The following KDM6A variants were observed in gnomAD, a reference collection of about 807,000 sequenced individuals.
The protein encoded by KDM6A is lysine-specific demethylase 6A.
In KDM6A, 11 loss-of-function variants were observed where a neutral mutation model predicts 117.6. The ratio of observed to expected loss-of-function variants is 0.09; its 90% confidence interval spans 0.06 to 0.15. The LOEUF is 0.15. Ranked by LOEUF, KDM6A falls within the 10% of genes least tolerant of loss-of-function variation. KDM6A has a pLI of 1.00. For missense variants in KDM6A, 799 were observed against 1,077.3 expected, an observed-to-expected ratio of 0.74 and a Z score of 3.62; for synonymous variants, 384 against 396.1, an observed-to-expected ratio of 0.97 and a Z score of 0.36.
At chrX:45,055,279 A>G (rs2044025135) in intron 10 of KDM6A, among the ~76,000 whole-genome samples, 2 of 110,948 alleles carry the variant, frequency 1.8e-5, no homozygotes, top group Admixed American at 1.9e-4. Flanking sequence ...AATTAATGTA[A>G]TTTTAATTAA....
At chrX:45,093,531 TAGAG>T (rs2045981054) in intron 27 of KDM6A, among the ~76,000 whole-genome samples, 1 of 110,075 alleles carries the variant, frequency 9.1e-6, no homozygotes, top group African/African-American at 3.3e-5. Context: ...CCTGTAAAAA[TAGAG>T]AGAGGGGGTC....
chrX:44,928,366 A>G (rs914757888), intron 2 of KDM6A, among the ~76,000 whole-genome samples: 1 of 112,096 alleles, frequency 8.9e-6, no homozygotes, highest in African/African-American at 3.2e-5. Context: ...AGTGTATTAC[A>G]GTTCCTTGTA....
intron 4 of KDM6A, among the ~76,000 whole-genome samples, chrX:44,997,593 T>C (rs1189406376): frequency 9.0e-6 from 1 of 111,592 alleles, no homozygotes; most frequent in African/African-American, 3.3e-5. Context: ...TGTCTTCACT[T>C]AGGTCTGAGG....
rs766988198 is a variant in KDM6A, at chrX:45,011,030, A to G, written c.443+11A>G. The G allele has an allele frequency of 8.6e-7, 1 of 1,157,170 alleles. No homozygotes were observed. The highest frequency in any genetic ancestry group is 2.2e-5 in the Admixed American group (1 of 45,837). On this transcript the variant is annotated intron_variant, in intron 5 of 29. Coordinates refer to ENST00000611820, the MANE Select transcript of KDM6A (RefSeq NM_001291415.2). ...TAATGCATTTCAGTGGTAAGTTGAC[A>G]TAAAACCAGTAATTCAGTCATTTTC...
chrX:44,880,808 A>AT (rs1045089108), intron 2 of KDM6A, among the ~76,000 whole-genome samples: 4 of 23,502 alleles, frequency 1.7e-4, no homozygotes, highest in African/African-American at 1.1e-3. Flanking sequence ...ACAAACAAAA[A>AT]AAAGTACTCT....
Position 44,941,488 on chromosome X carries a change from T to G in KDM6A, c.226-19796T>G, listed in dbSNP as rs1303591506. Among the ~76,000 whole-genome samples the G allele has an allele frequency of 2.8e-5, 3 of 108,445 alleles. No homozygotes were observed. In the East Asian group the frequency reaches 8.6e-4, roughly 31 times the overall value. The allele number at this position is 108,445 out of a possible 115,157, so 94.2% of individuals were successfully genotyped here. A position where few individuals can be genotyped will look rare whatever the true frequency, so the allele number is the denominator to read the frequency against. On this transcript the variant is annotated intron_variant, in intron 2 of 29. Transcript: ENST00000611820. The stretch of plus-strand genomic sequence containing the variant: ...TATATGAATTCTGTACCAGTTTTTT[T>G]TTTTTTTTTTAAAATAGAGTCTCGC...
At chrX:45,070,493 C>A in intron 18 of KDM6A, 136 bp downstream of exon 18, 1 of 579,041 alleles carries the variant, frequency 1.7e-6, no homozygotes, top group African/African-American at 2.2e-5. Flanking sequence ...TTGACAGAAG[C>A]TTTATTTTGC....
intron 19 of KDM6A, among the ~76,000 whole-genome samples, chrX:45,077,984 G>T (rs146090707): frequency 9.0e-6 from 1 of 111,345 alleles, no homozygotes; most frequent in Non-Finnish European, 1.9e-5. Context: ...CTATAAATTT[G>T]ACTATTCTAG....
At chrX:45,074,338 G>A (rs1602896035) in intron 18 of KDM6A, among the ~76,000 whole-genome samples, 3 of 111,656 alleles carry the variant, frequency 2.7e-5, no homozygotes, top group Admixed American at 1.9e-4. Context: ...TTATTATTTG[G>A]CTTGAGGTGT....
At chrX:45,074,093 G>A (rs2044996208) in intron 18 of KDM6A, among the ~76,000 whole-genome samples, 1 of 111,846 alleles carries the variant, frequency 8.9e-6, no homozygotes, top group Admixed American at 9.5e-5. Flanking sequence ...TTCTACATAT[G>A]ACCAGCCAGT....
chrX:45,034,320 G>C (rs2042723848), intron 6 of KDM6A, among the ~76,000 whole-genome samples: 1 of 111,903 alleles, frequency 8.9e-6, no homozygotes, highest in African/African-American at 3.2e-5. Context: ...GTGGTTTATT[G>C]TTGACTGGAA....
At chrX:44,965,946 G>A (rs2038987017) in intron 3 of KDM6A, among the ~76,000 whole-genome samples, 1 of 111,113 alleles carries the variant, frequency 9.0e-6, no homozygotes, top group African/African-American at 3.3e-5. Flanking sequence ...CTTTTTTATT[G>A]CTGCACCTTT....
chrX:44,909,163 G>A (rs968584193), intron 2 of KDM6A, among the ~76,000 whole-genome samples: 1 of 111,711 alleles, frequency 9.0e-6, no homozygotes, highest in Non-Finnish European at 1.9e-5. Context: ...GATTAATTTT[G>A]TTTATTTTAG....
intron 8 of KDM6A, among the ~76,000 whole-genome samples, chrX:45,040,611 G>A (rs2043084911): frequency 1.2e-5 from 1 of 86,380 alleles, no homozygotes; most frequent in South Asian, 6.5e-4. Flanking sequence ...GGGGCGGCTG[G>A]CCAGGCGGGG....
chrX:45,076,989 G>C (rs896693598), intron 19 of KDM6A, among the ~76,000 whole-genome samples, 163 bp downstream of exon 19: 2 of 110,634 alleles, frequency 1.8e-5, no homozygotes, highest in Non-Finnish European at 3.8e-5. Context: ...AGAAGATTTT[G>C]TAATAGCATT....
chrX:44,997,047 C>T (rs1170082384), intron 4 of KDM6A, among the ~76,000 whole-genome samples: 6 of 111,415 alleles, frequency 5.4e-5, no homozygotes, highest in Non-Finnish European at 7.6e-5. Flanking sequence ...TCCCACCCCA[C>T]GGCAATGTCT....
intron 2 of KDM6A, among the ~76,000 whole-genome samples, chrX:44,961,021 C>T (rs913996662): frequency 2.7e-5 from 3 of 111,542 alleles, no homozygotes; most frequent in Admixed American, 1.9e-4. Flanking sequence ...TCAAAGTGCT[C>T]CTATATTATC....
At position 44,957,479 on chromosome X, in the gene KDM6A, C is replaced by T. The variant is rs765422905; in HGVS notation, c.226-3805C>T. On this transcript the variant is annotated intron_variant, in intron 2 of 29. Transcript: ENST00000611820. ...CTTCACCTGTCAGAGTTTAGAAATA[C>T]GGGGTAATGGTAACGTTACTTTTCT... Among the ~76,000 whole-genome samples the T allele has an allele frequency of 8.0e-5, 9 of 111,879 alleles. No homozygotes were observed. The East Asian group carries it at 1.4e-3, about 17-fold the overall frequency.
intron 17 of KDM6A, 105 bp from the exon 18 acceptor site, chrX:45,069,474 A>G: frequency 1.3e-6 from 1 of 753,225 alleles, no homozygotes; most frequent in East Asian, 3.5e-5. Context: ...ATTATCTTAT[A>G]CAGTTAGATA....
Sources: allele counts gnomAD v4.1 joint callset (sites outside exome capture counted in the v4.1 genomes callset), GRCh38; gene constraint gnomAD v4.1.1; transcripts MANE v1.5; gene names NCBI Gene and HGNC (gene_info 2026-07-23, HGNC 2026-07-21).